The following MEF2A variants were observed in gnomAD, a reference collection of about 807,000 sequenced individuals.
MEF2A encodes myocyte-specific enhancer factor 2A.
MEF2A carries 28 observed loss-of-function variants against 55.8 expected under a neutral mutation model. The ratio of observed to expected loss-of-function variants is 0.50; its 90% confidence interval spans 0.37 to 0.69. The LOEUF (loss-of-function observed/expected upper bound fraction) is 0.69. MEF2A is among the 30% of genes least tolerant of loss of function. The pLI, the probability that MEF2A is intolerant of heterozygous loss-of-function variation, is 0.00. For missense variants in MEF2A, 528 were observed against 626.2 expected (o/e 0.84, Z 1.67); for synonymous variants, 239 against 227.1 (o/e 1.05, Z -0.47).
At chr15:99,595,441 C>G (rs1252705923) in intron 1 of MEF2A, among the ~76,000 whole-genome samples, 1 of 151,986 alleles carries the variant, frequency 6.6e-6, no homozygotes, top group Non-Finnish European at 1.5e-5. Context: ...TCACCTTGTA[C>G]TATAGGTCTC....
intron 8 of MEF2A, 27 bp downstream of exon 8, chr15:99,690,455 T>A (rs774835264): frequency 1.9e-6 from 3 of 1,556,060 alleles, no homozygotes; most frequent in Non-Finnish European, 2.6e-6. Context: ...TTCAACTTCA[T>A]TCTTTAAAAC....
chr15:99,643,090 T>C, intron 3 of MEF2A, among the ~76,000 whole-genome samples: 1 of 152,214 alleles, frequency 6.6e-6, no homozygotes, highest in East Asian at 1.9e-4. Context: ...TTTAAAAATA[T>C]TGTCTTAGAA....
chr15:99,601,510 G>GTTTTTTTTT (rs34835966), intron 2 of MEF2A, among the ~76,000 whole-genome samples: 4 of 113,876 alleles, frequency 3.5e-5, no homozygotes, highest in African/African-American at 6.5e-5. Flanking sequence ...CTTGGTCAGA[G>GTTTTTTTTT]TTTTTTTTTT....
intron 2 of MEF2A, among the ~76,000 whole-genome samples, chr15:99,603,020 A>C (rs1973857023): frequency 1.3e-5 from 2 of 152,026 alleles, no homozygotes; most frequent in African/African-American, 4.8e-5. Flanking sequence ...ATTCTTTTAC[A>C]TTTGAAGAAT....
intron 2 of MEF2A, among the ~76,000 whole-genome samples, chr15:99,619,097 G>A (rs947432630): frequency 1.3e-5 from 2 of 152,192 alleles, no homozygotes; most frequent in African/African-American, 4.8e-5. Context: ...GAACCAGGCT[G>A]TGAGAGCGGT....
intron 2 of MEF2A, among the ~76,000 whole-genome samples, chr15:99,616,982 C>A (rs1475488419): frequency 6.6e-6 from 1 of 152,172 alleles, no homozygotes; most frequent in East Asian, 1.9e-4. Context: ...GCCAAATCAA[C>A]AAGTTACTCT....
intron 8 of MEF2A, among the ~76,000 whole-genome samples, chr15:99,695,951 A>G (rs746052878): frequency 1.3e-5 from 2 of 152,198 alleles, no homozygotes; most frequent in African/African-American, 2.4e-5. Context: ...ACCATTGCAA[A>G]CACCAAAAAG....
intron 1 of MEF2A, among the ~76,000 whole-genome samples, chr15:99,593,250 T>G (rs1285023544): frequency 1.3e-5 from 2 of 152,118 alleles, no homozygotes; most frequent in Non-Finnish European, 2.9e-5. Flanking sequence ...ACTCCGTGAG[T>G]CTCCGTATTC....
At chr15:99,695,379 CAGT>C (rs2056280978) in intron 8 of MEF2A, among the ~76,000 whole-genome samples, 1 of 151,996 alleles carries the variant, frequency 6.6e-6, no homozygotes, top group South Asian at 2.1e-4. Context: ...ATAAATAAGT[CAGT>C]AGAAGAGATA....
chr15:99,640,347 A>T (rs890376255), intron 3 of MEF2A, among the ~76,000 whole-genome samples: 5 of 152,156 alleles, frequency 3.3e-5, no homozygotes, highest in African/African-American at 7.2e-5. Context: ...TTAGGCTTGC[A>T]CATATTTAGA....
At chr15:99,573,096 G>C (rs1963006314) in intron 1 of MEF2A, among the ~76,000 whole-genome samples, 1 of 152,190 alleles carries the variant, frequency 6.6e-6, no homozygotes, top group East Asian at 1.9e-4. Flanking sequence ...AGACCATCCT[G>C]GCTAACACAG....
At chr15:99,641,387 G>A (rs142426400) in intron 3 of MEF2A, among the ~76,000 whole-genome samples, 3 of 152,178 alleles carry the variant, frequency 2.0e-5, no homozygotes, top group African/African-American at 4.8e-5. Context: ...TCCAGGCAGC[G>A]GAGGTGAGAA....
In MEF2A at chr15:99,674,585, C is replaced by A. The variant is rs1339326152; in HGVS notation, c.583C>A (p.Gln195Lys). The change falls in exon 6 of 12, where the codon CAG (glutamine) becomes AAG (lysine). Residue 195 changes from glutamine (Q) to lysine (K), a missense_variant. By Grantham distance (53) the Gln-to-Lys change is moderately conservative. This residue lies in a region of MEF2A where 450 missense variants were observed against 475.3 expected (regional missense o/e 0.95). Transcript: ENST00000557942. ...LHRNVSPGAP[Q>K]RPPSTGNAGG... is the part of the protein sequence containing the mutation. ...TAGAAATGTGTCTCCTGGAGCTCCTCAGAGACCACCAAGTACTGGCAATGC... is the reference window on the plus strand; with the variant it reads ...TAGAAATGTGTCTCCTGGAGCTCCTAAGAGACCACCAAGTACTGGCAATGC... The A allele has an allele frequency of 6.2e-7, 1 of 1,613,838 alleles. No individual in the cohort carries two copies. The highest frequency in any genetic ancestry group is 8.5e-7 in the Non-Finnish European group (1 of 1,179,776).
chr15:99,577,781 T>G (rs938311180), intron 1 of MEF2A, among the ~76,000 whole-genome samples: 3 of 152,240 alleles, frequency 2.0e-5, no homozygotes, highest in Non-Finnish European at 4.4e-5. Context: ...TCATTTTTTT[T>G]GTTGTCTTTA....
intron 3 of MEF2A, among the ~76,000 whole-genome samples, chr15:99,640,873 CTGTGT>C (rs978837797): frequency 1.3e-5 from 2 of 152,002 alleles, no homozygotes; most frequent in African/African-American, 4.8e-5. Context: ...GTCTGAAACT[CTGTGT>C]TATCTTTCAA....
chr15:99,705,856 TTTC>T (rs2153808911), intron 9 of MEF2A, among the ~76,000 whole-genome samples: 2 of 152,370 alleles, frequency 1.3e-5, no homozygotes, highest in East Asian at 3.9e-4. Flanking sequence ...GTGCTGTGGC[TTTC>T]TTATGTGCTA....
chr15:99,639,992 G>C (rs1342012822), intron 3 of MEF2A, among the ~76,000 whole-genome samples: 1 of 152,038 alleles, frequency 6.6e-6, no homozygotes, highest in Non-Finnish European at 1.5e-5. Flanking sequence ...CTTTTATGAC[G>C]GGACTTACCA....
chr15:99,569,345 T>C (rs1053619303), intron 1 of MEF2A, among the ~76,000 whole-genome samples: 1 of 152,266 alleles, frequency 6.6e-6, no homozygotes, highest in South Asian at 2.1e-4. Context: ...CTGAAGATTA[T>C]GTAGGTACCC....
chr15:99,610,398 G>A (rs1012423334), intron 2 of MEF2A, among the ~76,000 whole-genome samples: 7 of 118,200 alleles, frequency 5.9e-5, no homozygotes, highest in African/African-American at 2.6e-4. Flanking sequence ...TCAAAGTCCA[G>A]CTGGTCTCCC....
Sources: allele counts gnomAD v4.1 joint callset (sites outside exome capture counted in the v4.1 genomes callset), GRCh38; gene constraint gnomAD v4.1.1; regional missense constraint gnomAD v4.1.1; transcripts MANE v1.5; gene names NCBI Gene and HGNC (gene_info 2026-07-23, HGNC 2026-07-21).